The following CEP83 variants were observed in gnomAD, a reference collection of about 807,000 sequenced individuals.
CEP83 encodes the protein centrosomal protein of 83 kDa.
In CEP83, 70 loss-of-function variants were observed where a neutral mutation model predicts 101.9. The observed-to-expected ratio is 0.69, with a 90% CI of 0.57 to 0.84. CEP83 has a LOEUF of 0.84. CEP83 is among the 40% of genes least tolerant of loss of function. The pLI is 0.00. For missense variants in CEP83, 715 were observed against 787.2 expected, an observed-to-expected ratio of 0.91 and a Z score of 1.10; for synonymous variants, 264 against 267.9, an observed-to-expected ratio of 0.99 and a Z score of 0.14.
At chr12:94,279,256 C>T in the CEP83 span, among the ~76,000 whole-genome samples, 1 of 152,074 alleles carries the variant, frequency 6.6e-6, no homozygotes, top group African/African-American at 2.4e-5. Flanking sequence ...TCAATGCTTG[C>T]TCTATAATGA....
intron 11 of CEP83, among the ~76,000 whole-genome samples, chr12:94,355,848 G>GT (rs1316877090): frequency 6.6e-6 from 1 of 152,172 alleles, no homozygotes; most frequent in Non-Finnish European, 1.5e-5. Flanking sequence ...CCATCCTTTC[G>GT]TTTCCCTTAA....
chr12:94,315,928 T>C (rs1448051753), intron 14 of CEP83, among the ~76,000 whole-genome samples: 1 of 152,156 alleles, frequency 6.6e-6, no homozygotes, highest in African/African-American at 2.4e-5. Flanking sequence ...TGTTGATACC[T>C]GGTAGTTTTA....
rs369750233 is a variant in CEP83, at chr12:94,444,079, CAT to C, written c.-154-8754_-154-8753del. On this transcript the variant is annotated intron_variant, in intron 1 of 16. Transcript: ENST00000397809. ...GAACACTGTTTGCTAACCAATTATG[CAT>C]GCGTTATAGTTAGTTATCAAGAAAT... Among the ~76,000 whole-genome samples the C allele has an allele frequency of 3.4e-3, 516 of 152,250 alleles. 1 individual carries two copies. Among genetic ancestry groups the C allele is most frequent in the African/African-American group, 0.012 (487 of 41,550 alleles).
At chr12:94,460,153 G>C (rs1308257351), upstream of CEP83, 3 of 152,368 alleles carry the variant, frequency 2.0e-5, no homozygotes, top group Non-Finnish European at 4.4e-5. Flanking sequence ...TGGACTCAGA[G>C]ATCCCCAGAG....
At chr12:94,421,275 G>A (rs2064722278) in intron 2 of CEP83, among the ~76,000 whole-genome samples, 1 of 151,368 alleles carries the variant, frequency 6.6e-6, no homozygotes, top group African/African-American at 2.4e-5. Flanking sequence ...CCCAGGCTTG[G>A]CTTGAACTCC....
chr12:94,290,842 T>A, the CEP83 span, among the ~76,000 whole-genome samples: 9,399 of 152,266 alleles, frequency 0.062, 355 homozygotes, highest in Admixed American at 0.09. Flanking sequence ...GAAAAGTCAC[T>A]TAGCTGATAA....
At chr12:94,383,140 G>A (rs939518727) in intron 6 of CEP83, among the ~76,000 whole-genome samples, 1 of 151,756 alleles carries the variant, frequency 6.6e-6, no homozygotes, top group African/African-American at 2.4e-5. Context: ...ATTTTTCTTT[G>A]TTATTTTCCT....
downstream of CEP83, chr12:94,306,443 C>T (rs968490168): frequency 6.6e-5 from 10 of 152,082 alleles, no homozygotes; most frequent in African/African-American, 2.4e-4. Context: ...ATTCTCTATC[C>T]AGTTATACTG....
intron 4 of CEP83, among the ~76,000 whole-genome samples, chr12:94,407,666 A>C (rs1337057558): frequency 2.0e-5 from 3 of 152,036 alleles, no homozygotes; most frequent in Non-Finnish European, 4.4e-5. Flanking sequence ...ATACACACAT[A>C]ATAAATTCTC....
At chr12:94,399,538 C>T (rs1416740752) in intron 6 of CEP83, among the ~76,000 whole-genome samples, 2 of 152,144 alleles carry the variant, frequency 1.3e-5, no homozygotes, top group South Asian at 2.1e-4. Context: ...AGCAAGGCCC[C>T]ATCTCTACAA....
intron 11 of CEP83, among the ~76,000 whole-genome samples, chr12:94,344,359 G>T (rs146220321): frequency 1.3e-5 from 2 of 152,182 alleles, no homozygotes; most frequent in African/African-American, 2.4e-5. Context: ...AAGAATGAAA[G>T]AATAAACTGT....
At position 94,405,749 on chromosome 12, in the gene CEP83, G is replaced by A. The variant is rs570327956; in HGVS notation, c.325-2487C>T. Among the ~76,000 whole-genome samples, 6 of 152,254 alleles carry A rather than the reference G, an allele frequency of 3.9e-5. No homozygotes were observed. In the East Asian group the frequency reaches 7.7e-4, roughly 20 times the overall value. ...TTGAGAGTTTTCAGGACCTGGCACC[G>A]GAAAGGATACCTATGCAGTCATGAG... is the stretch of plus-strand genomic sequence containing the variant. On this transcript the variant is annotated intron_variant, in intron 4 of 16. Transcript: ENST00000397809.
rs187728626 is a variant in CEP83 at position 94,370,821 on chromosome 12, T to C, written c.934-785A>G. Among the ~76,000 whole-genome samples the C allele has an allele frequency of 4.8e-3, 725 of 151,978 alleles. 2 individuals are homozygous for C. The highest frequency in any genetic ancestry group is 0.012 in the South Asian group (58 of 4,826). Reference sequence around the variant, plus strand: ...CTGGGCAACATAGTGAGATCCTTTCTCTAAAAAAAAATTTAAAAATTAGCC... The same window carrying C: ...CTGGGCAACATAGTGAGATCCTTTCCCTAAAAAAAAATTTAAAAATTAGCC... On this transcript the variant is annotated intron_variant, in intron 8 of 16. Transcript: ENST00000397809.
chr12:94,333,882 T>C lies in CEP83; in HGVS notation c.1420-243A>G, dbSNP rs143297863. ...TCCCCTCCCTCTTCTTTCCAAAATATGCAGGCCAGGAGAGGTATTGGGAAT... is the reference window on the plus strand; with the variant it reads ...TCCCCTCCCTCTTCTTTCCAAAATACGCAGGCCAGGAGAGGTATTGGGAAT... On this transcript the variant is annotated intron_variant, in intron 12 of 16. Coordinates refer to ENST00000397809, the MANE Select transcript of CEP83 (RefSeq NM_016122.3). 9.2e-4 allele frequency among the ~76,000 whole-genome samples: 140 copies of C among 152,140 alleles called. 1 individual carries two copies. Among genetic ancestry groups the C allele is most frequent in the East Asian group, 5.0e-3 (26 of 5,172 alleles).
chr12:94,431,571 T>C (rs1014970378), intron 2 of CEP83, among the ~76,000 whole-genome samples: 1 of 147,132 alleles, frequency 6.8e-6, no homozygotes, highest in Non-Finnish European at 1.5e-5. Context: ...ACCTAGAATA[T>C]ACAAGAAAAT....
chr12:94,428,677 C>T (rs2065390107), intron 2 of CEP83, among the ~76,000 whole-genome samples: 1 of 152,158 alleles, frequency 6.6e-6, no homozygotes, highest in Non-Finnish European at 1.5e-5. Context: ...ATCCTCAAGA[C>T]ACACAGGTTA....
chr12:94,310,071 T>C lies in CEP83; in HGVS notation c.1848A>G (p.Gln616=). ...NVPFEDYTRL[Q]KRLKDIQRRH... Reference sequence around the variant, plus strand: ...TTCTCTGTATATCTTTTAGTCTTTTTTGAAGCCTTGTATAGTCTTCAAAAG... The same window carrying C: ...TTCTCTGTATATCTTTTAGTCTTTTCTGAAGCCTTGTATAGTCTTCAAAAG... The change falls in exon 16 of 17, where the codon CAA becomes CAG. Residue 616 remains glutamine (Q), a synonymous_variant. Transcript: ENST00000397809. The C allele has an allele frequency of 1.9e-6, 3 of 1,602,060 alleles. No homozygotes were observed. Among genetic ancestry groups the C allele is most frequent in the South Asian group, 2.2e-5 (2 of 90,544 alleles).
At chr12:94,432,866 T>C (rs1007023024) in intron 2 of CEP83, among the ~76,000 whole-genome samples, 2 of 152,200 alleles carry the variant, frequency 1.3e-5, no homozygotes, top group East Asian at 3.8e-4. Context: ...ATGTAAACTA[T>C]GTGCCAATTT....
At chr12:94,424,131 A>T in intron 2 of CEP83, 1 of 1,604,374 alleles carries the variant, frequency 6.2e-7, no homozygotes, top group Non-Finnish European at 8.5e-7. Flanking sequence ...AGGTATGGGG[A>T]GAGTGCAGAC....
Sources: allele counts gnomAD v4.1 joint callset (sites outside exome capture counted in the v4.1 genomes callset), GRCh38; gene constraint gnomAD v4.1.1; transcripts MANE v1.5; gene names NCBI Gene and HGNC (gene_info 2026-07-23, HGNC 2026-07-21).